CDA: variants seen among roughly 807,000 people sequenced by gnomAD.
The protein encoded by CDA is cytidine deaminase.
Under a neutral mutation model 15.0 loss-of-function variants are expected in CDA, and 7 were observed. The ratio of observed to expected loss-of-function variants is 0.47; its 90% CI spans 0.26 to 0.87. CDA has a LOEUF of 0.87. CDA is among the 40% of genes least tolerant of loss of function. CDA has a pLI of 0.15. For synonymous variants in CDA, 58 were observed against 73.0 expected (o/e 0.79, Z 1.05); for missense variants, 159 against 182.7 (o/e 0.87, Z 0.75).
intron 1 of CDA, among the ~76,000 whole-genome samples, chr1:20,591,839 GT>G (rs35125816): frequency 3.1e-5 from 4 of 127,634 alleles, no homozygotes; most frequent in Admixed American, 7.4e-5. Context: ...TTATTTATGG[GT>G]TTTTTTTTGT....
chr1:20,602,261 G>C (rs1379080748), intron 1 of CDA, among the ~76,000 whole-genome samples: 1 of 152,106 alleles, frequency 6.6e-6, no homozygotes, highest in Admixed American at 6.5e-5. Context: ...TAACAGACCA[G>C]GGGCGGGCTG....
chr1:20,604,635 G>T (rs1391294557), intron 1 of CDA, among the ~76,000 whole-genome samples: 2 of 152,142 alleles, frequency 1.3e-5, no homozygotes, highest in East Asian at 3.8e-4. Flanking sequence ...CTCTGCAGGG[G>T]TGATGGAGCT....
chr1:20,591,258 G>A (rs1238053106), intron 1 of CDA, among the ~76,000 whole-genome samples: 1 of 152,012 alleles, frequency 6.6e-6, no homozygotes, highest in Admixed American at 6.5e-5. Context: ...GGAGAATGGT[G>A]TGAACCTGGG....
rs1250544991 is a variant in CDA at position 20,604,929 on chromosome 1, G to A, written c.156G>A (p.Gly52=). The change falls in exon 2 of 4, where the codon GGG becomes GGA. Residue 52 remains glycine, a splice_region_variant and synonymous_variant. Transcript: ENST00000375071. ...LLTQEGRIFK[G]CNIENACYPL... ...CACTGGACTCTGCTCTCTTCTCAGG[G>A]TGCAACATAGAAAATGCCTGCTACC... 1.2e-6 allele frequency: 2 copies of A among 1,605,208 alleles called. No homozygotes were observed. Among genetic ancestry groups the A allele is most frequent in the African/African-American group, 2.7e-5 (2 of 74,722 alleles).
chr1:20,602,620 C>T (rs987741526), intron 1 of CDA, among the ~76,000 whole-genome samples: 1 of 152,068 alleles, frequency 6.6e-6, no homozygotes, highest in African/African-American at 2.4e-5. Flanking sequence ...CAGGGTTTCA[C>T]CATATTGGCC....
At chr1:20,611,659 G>A (rs1233885075) in intron 2 of CDA, among the ~76,000 whole-genome samples, 5 of 151,908 alleles carry the variant, frequency 3.3e-5, no homozygotes, top group South Asian at 2.1e-4. Flanking sequence ...GATTATAGGC[G>A]TGAGCCACTG....
At chr1:20,616,343 T>C (rs2052802253) in intron 3 of CDA, among the ~76,000 whole-genome samples, 1 of 152,146 alleles carries the variant, frequency 6.6e-6, no homozygotes, top group Admixed American at 6.6e-5. Context: ...GAAAGGGGGT[T>C]GTTTTAGCTT....
chr1:20,597,048 C>G (rs2052597294), intron 1 of CDA, among the ~76,000 whole-genome samples: 1 of 152,130 alleles, frequency 6.6e-6, no homozygotes, highest in Non-Finnish European at 1.5e-5. Flanking sequence ...AGGCGTGAGC[C>G]ACCACACTCA....
chr1:20,614,491 C>T (rs538215166), intron 3 of CDA, among the ~76,000 whole-genome samples: 1 of 152,330 alleles, frequency 6.6e-6, no homozygotes, highest in African/African-American at 2.4e-5. Context: ...GCCATTACGA[C>T]AAAGGCCACA....
At chr1:20,591,288 C>G (rs1343272482) in intron 1 of CDA, among the ~76,000 whole-genome samples, 2 of 152,044 alleles carry the variant, frequency 1.3e-5, no homozygotes, top group East Asian at 3.9e-4. Context: ...TTGCAGAGAG[C>G]CGAGATCGTG....
At chr1:20,615,109 C>T (rs1449328369) in intron 3 of CDA, among the ~76,000 whole-genome samples, 1 of 152,116 alleles carries the variant, frequency 6.6e-6, no homozygotes, top group African/African-American at 2.4e-5. Flanking sequence ...ATCTGCCCAC[C>T]TCGGCCTCCC....
intron 1 of CDA, among the ~76,000 whole-genome samples, 182 bp from the exon 2 acceptor site, chr1:20,604,746 C>T (rs2052677528): frequency 6.6e-6 from 1 of 152,170 alleles, no homozygotes; most frequent in African/African-American, 2.4e-5. Flanking sequence ...AGGGCCACTA[C>T]CATGGGCCAA....
chr1:20,617,261 A>T (rs1314616077), intron 3 of CDA, among the ~76,000 whole-genome samples: 2 of 152,078 alleles, frequency 1.3e-5, no homozygotes, highest in African/African-American at 4.8e-5. Flanking sequence ...CAAGAGACAA[A>T]TTTTTCTTTG....
chr1:20,614,919 T>G (rs61781968), intron 3 of CDA, among the ~76,000 whole-genome samples: 33,831 of 151,942 alleles, frequency 0.22, 4,092 homozygotes, highest in African/African-American at 0.31. Context: ...TGGAGTGCAG[T>G]GGTAGAGTCT....
chr1:20,618,312 T>C (rs1175147718), intron 3 of CDA, 140 bp from the exon 4 acceptor site: 5 of 682,690 alleles, frequency 7.3e-6, no homozygotes, highest in South Asian at 6.1e-5. Flanking sequence ...GGTACAATTA[T>C]GGTCATTCCC....
intron 1 of CDA, among the ~76,000 whole-genome samples, chr1:20,599,806 C>T (rs2052625313): frequency 6.6e-6 from 1 of 152,182 alleles, no homozygotes; most frequent in Non-Finnish European, 1.5e-5. Context: ...CAGCAGCTAA[C>T]AGCTGCCGAC....
At chr1:20,604,858 C>G (rs1449812738) in intron 1 of CDA, 70 bp from the exon 2 acceptor site, 1 of 1,062,094 alleles carries the variant, frequency 9.4e-7, no homozygotes, top group Non-Finnish European at 1.4e-6. Flanking sequence ...ATGGGGCAAA[C>G]TTCTTACTCA....
intron 2 of CDA, among the ~76,000 whole-genome samples, chr1:20,606,874 A>G (rs965646691): frequency 3.3e-5 from 5 of 152,202 alleles, no homozygotes; most frequent in Non-Finnish European, 7.3e-5. Context: ...ACTGGACTCC[A>G]TTATTGAATG....
chr1:20,595,388 C>T (rs746168912), intron 1 of CDA, among the ~76,000 whole-genome samples: 16 of 152,162 alleles, frequency 1.1e-4, no homozygotes, highest in Non-Finnish European at 2.4e-4. Flanking sequence ...GTCTCCCTTT[C>T]TCTGCCTGGA....
Sources: allele counts gnomAD v4.1 joint callset (sites outside exome capture counted in the v4.1 genomes callset), GRCh38; gene constraint gnomAD v4.1.1; transcripts MANE v1.5; gene names NCBI Gene and HGNC (gene_info 2026-07-23, HGNC 2026-07-21).